LEF1: variants seen among roughly 807,000 people sequenced by gnomAD.
LEF1 encodes lymphoid enhancer binding factor 1, also known as lymphoid enhancer-binding factor 1.
Under a neutral mutation model 51.2 loss-of-function variants are expected in LEF1, and 14 were observed. The observed-to-expected ratio is 0.27, with a 90% CI of 0.18 to 0.43. LEF1 has a LOEUF of 0.43. Among genes scored for constraint, LEF1 ranks in the 20% least tolerant of loss-of-function variants. The pLI, the probability that LEF1 is intolerant of heterozygous loss-of-function variation, is 1.00. For missense variants in LEF1, 386 were observed against 512.0 expected, an observed-to-expected ratio of 0.75 and a Z score of 2.37; for synonymous variants, 185 against 183.2, an observed-to-expected ratio of 1.01 and a Z score of -0.08.
rs1578276949 is a variant in LEF1 at position 108,049,323 on chromosome 4, A to T, written c.*7-572T>A. ...TTTCAAGATTTTTTTTTCCTTCCTA[A>T]CATCAAGGATCTCTAATGATAGCCT... On this transcript the variant is annotated intron_variant, in intron 11 of 11. Transcript: ENST00000265165. 3.9e-5 allele frequency among the ~76,000 whole-genome samples: 6 copies of T among 152,286 alleles called. No homozygotes were observed. The South Asian group carries it at 1.2e-3, about 32-fold the overall frequency.
Position 108,061,305 on chromosome 4 carries a change from G to A in LEF1, c.*6+2318C>T, listed in dbSNP as rs551310672. Among the ~76,000 whole-genome samples the A allele has an allele frequency of 3.3e-5, 5 of 152,246 alleles. No homozygotes were observed. In the South Asian group the frequency reaches 1.0e-3, roughly 32 times the overall value. ...TAACCTTAAGAAAATATAAATAAGT[G>A]ACAAGAAAGCACAATGACAGCTGTG... On this transcript the variant is annotated intron_variant, in intron 11 of 11. Coordinates refer to ENST00000265165, the MANE Select transcript of LEF1 (RefSeq NM_016269.5).
rs371113417 is a variant in LEF1, at chr4:108,167,798, T to C, written c.-31A>G. On this transcript the variant is annotated 5_prime_UTR_variant, in exon 1 of 12. Transcript: ENST00000265165. The surrounding 1 kb of genome is among the most constrained non-coding windows in gnomAD (Gnocchi z 5.7). ...CGGCTCTGTAATCTCCGCTCCGCTG[T>C]GGGAGCACCCGCGCAACAGCAGGAA... The C allele has an allele frequency of 1.9e-6, 3 of 1,591,348 alleles. No individual in the cohort carries two copies. The highest frequency in any genetic ancestry group is 2.6e-6 in the Non-Finnish European group (3 of 1,166,508).
At chr4:108,103,837 G>A (rs1000027770) in intron 3 of LEF1, among the ~76,000 whole-genome samples, 2 of 152,130 alleles carry the variant, frequency 1.3e-5, no homozygotes, top group Admixed American at 1.3e-4. Flanking sequence ...GAGGTTTAAA[G>A]ATATTCAAAA....
Position 108,128,491 on chromosome 4 carries a change from A to G in LEF1, c.414+35077T>C, listed in dbSNP as rs542288083. ...GGGATTAAAATTCTCAAGGGAAAAA[A>G]GCAGACTGAGGAAGGGCTTTTTTTT... is the stretch of plus-strand genomic sequence containing the variant. On this transcript the variant is annotated intron_variant, in intron 3 of 11. Coordinates refer to ENST00000265165, the MANE Select transcript of LEF1 (RefSeq NM_016269.5). Among the ~76,000 whole-genome samples the G allele has an allele frequency of 2.0e-5, 3 of 151,850 alleles. No homozygotes were observed. In the South Asian group the frequency reaches 6.2e-4, roughly 32 times the overall value.
chr4:108,163,474 C>A, intron 3 of LEF1, 94 bp downstream of exon 3: 1 of 1,335,052 alleles, frequency 7.5e-7, no homozygotes, highest in South Asian at 1.4e-5. Flanking sequence ...ATAATGAAAG[C>A]ATTACCAATG....
chr4:108,152,690 T>C (rs890713628), intron 3 of LEF1, among the ~76,000 whole-genome samples: 1 of 152,232 alleles, frequency 6.6e-6, no homozygotes, highest in Admixed American at 6.5e-5. Flanking sequence ...GAAGAATCAA[T>C]GGAGAGTTTG....
chr4:108,099,545 T>C (rs1740620128), intron 3 of LEF1, among the ~76,000 whole-genome samples: 1 of 86,510 alleles, frequency 1.2e-5, no homozygotes, highest in Non-Finnish European at 2.3e-5. Context: ...TGTGTATATG[T>C]GTGTGTGTGT....
At chr4:108,051,725 A>ACC (rs1737004977) in intron 11 of LEF1, among the ~76,000 whole-genome samples, 1 of 151,094 alleles carries the variant, frequency 6.6e-6, no homozygotes. Flanking sequence ...ACCCCACCCC[A>ACC]CCCCATATAA....
intron 3 of LEF1, among the ~76,000 whole-genome samples, chr4:108,138,860 C>A (rs1743466533): frequency 6.6e-6 from 1 of 152,204 alleles, no homozygotes; most frequent in African/African-American, 2.4e-5. Context: ...TGCCACCATG[C>A]CCCATTTTCC....
In LEF1 at chr4:108,165,418, A is replaced by C. The variant is rs184812070; in HGVS notation, c.214-255T>G. On this transcript the variant is annotated intron_variant, in intron 1 of 11. Coordinates refer to ENST00000265165, the MANE Select transcript of LEF1 (RefSeq NM_016269.5). ...AACAAAACCAATAAAAATATAGTTAAATTTGGGAATGATCCACATGCTGTT... is the reference window on the plus strand; with the variant it reads ...AACAAAACCAATAAAAATATAGTTACATTTGGGAATGATCCACATGCTGTT... Among the ~76,000 whole-genome samples the C allele has an allele frequency of 1.3e-3, 191 of 152,344 alleles. 1 individual carries two copies. Among genetic ancestry groups the C allele is most frequent in the African/African-American group, 4.3e-3 (180 of 41,576 alleles).
Position 108,089,231 on chromosome 4 carries a change from T to C in LEF1, c.441A>G (p.Pro147=). The change falls in exon 4 of 12, where the codon CCA becomes CCG. Residue 147 remains proline, a synonymous_variant. Coordinates refer to ENST00000265165, the MANE Select transcript of LEF1 (RefSeq NM_016269.5). ...RTSNKVPVVQ[P]SHAVHPLTPL... Reference sequence around the variant, plus strand: ...GGGTGAGAGGATGGACCGCATGGGATGGCTGCACCACGGGCACTTTATTTG... The same window carrying C: ...GGGTGAGAGGATGGACCGCATGGGACGGCTGCACCACGGGCACTTTATTTG... 6.2e-7 allele frequency: 1 copy of C among 1,614,066 alleles called. No homozygotes were observed. Among genetic ancestry groups the C allele is most frequent in the Non-Finnish European group, 8.5e-7 (1 of 1,179,966 alleles).
At chr4:108,135,494 C>T (rs1318890902) in intron 3 of LEF1, among the ~76,000 whole-genome samples, 1 of 152,196 alleles carries the variant, frequency 6.6e-6, no homozygotes, top group African/African-American at 2.4e-5. Flanking sequence ...CCCTGAAATG[C>T]AAGCATCCCT....
chr4:108,113,950 A>G (rs1184565418), intron 3 of LEF1, among the ~76,000 whole-genome samples: 1 of 152,234 alleles, frequency 6.6e-6, no homozygotes, highest in Non-Finnish European at 1.5e-5. Flanking sequence ...CCACTATATG[A>G]AGACAAAGAA....
At chr4:108,071,631 C>T (rs745790348) in intron 8 of LEF1, 2 of 152,214 alleles carry the variant, frequency 1.3e-5, no homozygotes, top group Non-Finnish European at 2.9e-5. Flanking sequence ...TTGCACACTG[C>T]TTTGCATACA....
Position 108,099,566 on chromosome 4 carries a change from GTGTGTATATATATATATATA to G in LEF1, c.415-10329_415-10310del, listed in dbSNP as rs1463868355. On this transcript the variant is annotated intron_variant, in intron 3 of 11. Coordinates refer to ENST00000265165, the MANE Select transcript of LEF1 (RefSeq NM_016269.5). ...TATGTGTGTGTGTGTATGTGTGTGT[GTGTGTATATATATATATATA>G]TATATATATATATATATATATATAT... is the stretch of plus-strand genomic sequence containing the variant. Among the ~76,000 whole-genome samples, 25 of 72,870 alleles carry G rather than the reference GTGTGTATATATATATATATA, an allele frequency of 3.4e-4. 1 individual carries two copies. The highest frequency in any genetic ancestry group is 2.9e-3 in the South Asian group (6 of 2,052). 47.8% of individuals were successfully genotyped at this position (72,870 alleles called of 152,430 possible).
intron 3 of LEF1, among the ~76,000 whole-genome samples, chr4:108,149,764 T>C (rs1027701685): frequency 5.9e-5 from 9 of 151,604 alleles, no homozygotes; most frequent in Admixed American, 2.6e-4. Context: ...AAGATTATAA[T>C]AGAATAATAA....
intron 7 of LEF1, 64 bp from the exon 8 acceptor site, chr4:108,078,446 G>A (rs776082195): frequency 4.4e-5 from 71 of 1,606,306 alleles, no homozygotes; most frequent in South Asian, 1.1e-5. Flanking sequence ...GGATGGGGGA[G>A]GAGAAAAGCA....
chr4:108,163,491 G>A, intron 3 of LEF1, 77 bp downstream of exon 3: 1 of 1,508,006 alleles, frequency 6.6e-7, no homozygotes, highest in South Asian at 1.2e-5. Context: ...AATGAGTTTG[G>A]AAAAATAAAC....
chr4:108,152,903 A>G (rs1295197306), intron 3 of LEF1, among the ~76,000 whole-genome samples: 1 of 152,198 alleles, frequency 6.6e-6, no homozygotes, highest in African/African-American at 2.4e-5. Context: ...GAGTGGTAGC[A>G]TCTAGGTATA....
Sources: allele counts gnomAD v4.1 joint callset (sites outside exome capture counted in the v4.1 genomes callset), GRCh38; gene constraint gnomAD v4.1.1; non-coding constraint Gnocchi (gnomAD v3.1); transcripts MANE v1.5; gene names NCBI Gene and HGNC (gene_info 2026-07-23, HGNC 2026-07-21).